CACNA1A: variants seen among roughly 807,000 people sequenced by gnomAD.
CACNA1A encodes calcium voltage-gated channel subunit alpha1 A.
A neutral mutation model predicts 262.4 loss-of-function variants in CACNA1A; 57 were observed. That is an observed-to-expected ratio of 0.22 (90% CI 0.18 to 0.27). The LOEUF (loss-of-function observed/expected upper bound fraction) is 0.27. Among genes scored for constraint, CACNA1A ranks in the 10% least tolerant of loss-of-function variants. The pLI is 1.00. For missense variants in CACNA1A, 2,526 were observed against 3,562.8 expected (o/e 0.71, Z 7.41); for synonymous variants, 1,431 against 1,419.3 (o/e 1.01, Z -0.18).
At chr19:13,468,643 T>C (rs1298371034) in intron 1 of CACNA1A, among the ~76,000 whole-genome samples, 1 of 152,050 alleles carries the variant, frequency 6.6e-6, no homozygotes, top group Non-Finnish European at 1.5e-5. Flanking sequence ...AAAAGTTAGC[T>C]GGGCATGGTG....
chr19:13,392,895 C>T (rs1285843925), intron 3 of CACNA1A, among the ~76,000 whole-genome samples: 3 of 152,184 alleles, frequency 2.0e-5, no homozygotes, highest in African/African-American at 7.2e-5. Context: ...TACAGGCACA[C>T]GCCACCATGC....
intron 1 of CACNA1A, among the ~76,000 whole-genome samples, chr19:13,482,011 T>C (rs1979380619): frequency 6.6e-6 from 1 of 151,852 alleles, no homozygotes; most frequent in African/African-American, 2.4e-5. Flanking sequence ...GACCCCACAC[T>C]CAAGCTTGGC....
intron 17 of CACNA1A, 47 bp from the exon 18 acceptor site, chr19:13,300,703 T>G (rs1454779267): frequency 6.8e-7 from 1 of 1,475,378 alleles, no homozygotes; most frequent in Non-Finnish European, 9.5e-7. Context: ...AACTAGGCCT[T>G]GGGGACTCAC....
intron 30 of CACNA1A, among the ~76,000 whole-genome samples, chr19:13,248,121 G>C (rs922807698): frequency 1.3e-5 from 2 of 152,068 alleles, no homozygotes; most frequent in Admixed American, 1.3e-4. Flanking sequence ...CTGCATCCCA[G>C]ATAAATTCCT....
intron 8 of CACNA1A, 146 bp from the exon 9 acceptor site, chr19:13,333,071 G>T: frequency 1.6e-6 from 1 of 607,054 alleles, no homozygotes; most frequent in Non-Finnish European, 3.0e-6. Flanking sequence ...CTGCTGGGTG[G>T]TTTGTGACTT....
intron 3 of CACNA1A, among the ~76,000 whole-genome samples, chr19:13,430,938 A>T (rs1391399234): frequency 1.3e-5 from 2 of 151,912 alleles, no homozygotes; most frequent in African/African-American, 4.8e-5. Context: ...AGAGTGTTCC[A>T]GGCAGAGGGA....
chr19:13,433,250 G>A lies in CACNA1A; in HGVS notation c.539+19626C>T, dbSNP rs561718366. 2.9e-4 allele frequency among the ~76,000 whole-genome samples: 43 copies of A among 146,490 alleles called. 1 individual carries two copies. The South Asian group carries it at 5.7e-3, about 19-fold the overall frequency. ...GGGGCTTGCAGTGAGCCGAGATTGC[G>A]CCACTGCACTCCAGCCTGGGCTACA... On this transcript the variant is annotated intron_variant, in intron 3 of 46. Transcript: ENST00000360228.
chr19:13,208,146 G>T, intron 46 of CACNA1A, 93 bp from the exon 47 acceptor site: 2 of 431,814 alleles, frequency 4.6e-6, no homozygotes, highest in Non-Finnish European at 6.2e-6. Context: ...GGAGCGAAGG[G>T]AGAGGGGCCG....
intron 21 of CACNA1A, 25 bp downstream of exon 21, chr19:13,285,043 T>G (rs2057370463): frequency 6.2e-7 from 1 of 1,613,356 alleles, no homozygotes; most frequent in Non-Finnish European, 8.5e-7. Flanking sequence ...AGGCCCCCCC[T>G]GCCCTTGCTG....
intron 3 of CACNA1A, among the ~76,000 whole-genome samples, chr19:13,386,912 T>C (rs1463766146): frequency 2.0e-5 from 3 of 152,178 alleles, no homozygotes; most frequent in Non-Finnish European, 2.9e-5. Context: ...GGAGACATTG[T>C]TGAGCCAAGG....
At chr19:13,231,951 T>G in intron 34 of CACNA1A, 91 bp from the exon 35 acceptor site, 1 of 1,381,532 alleles carries the variant, frequency 7.2e-7, no homozygotes, top group Non-Finnish European at 9.9e-7. Context: ...CGTTGAGCAC[T>G]TGGGCTCTGG....
intron 1 of CACNA1A, among the ~76,000 whole-genome samples, chr19:13,469,846 G>C (rs2061320013): frequency 6.6e-6 from 1 of 151,592 alleles, no homozygotes; most frequent in Admixed American, 6.6e-5. Context: ...GCAACCCACT[G>C]ACCCCGCCAT....
At position 13,209,303 on chromosome 19, in the gene CACNA1A, G is replaced by A; in HGVS notation, c.6526+9C>T. ...TCTGCTTGTCCCTGAGCACCACAGG[G>A]CTGCCCACCTGTGTCCACATCGGTG... On this transcript the variant is annotated intron_variant, in intron 45 of 46. Coordinates refer to ENST00000360228, the MANE Select transcript of CACNA1A (RefSeq NM_001127222.2). The A allele has an allele frequency of 7.0e-7, 1 of 1,428,086 alleles. No homozygotes were observed. The highest frequency in any genetic ancestry group is 9.2e-7 in the Non-Finnish European group (1 of 1,088,576). 88.5% of individuals were successfully genotyped at this position (1,428,086 alleles called of 1,614,324 possible).
At chr19:13,407,790 A>G (rs1335651770) in intron 3 of CACNA1A, among the ~76,000 whole-genome samples, 1 of 152,136 alleles carries the variant, frequency 6.6e-6, no homozygotes, top group African/African-American at 2.4e-5. Context: ...CAGGAGTTAG[A>G]GACCAGCCTG....
intron 37 of CACNA1A, 125 bp downstream of exon 37, chr19:13,227,302 CAAAA>C (rs778313822): frequency 8.6e-6 from 4 of 466,198 alleles, no homozygotes; most frequent in Non-Finnish European, 1.6e-5. Flanking sequence ...GAATCAAAAA[CAAAA>C]AAGAAGAGAA....
chr19:13,407,595 C>T (rs1176682616), intron 3 of CACNA1A, among the ~76,000 whole-genome samples: 9 of 152,192 alleles, frequency 5.9e-5, no homozygotes, highest in African/African-American at 1.9e-4. Flanking sequence ...CTTCATAACA[C>T]GCTAAGGGAT....
At chr19:13,302,789 G>C (rs1042901968) in intron 17 of CACNA1A, among the ~76,000 whole-genome samples, 1 of 152,202 alleles carries the variant, frequency 6.6e-6, no homozygotes, top group Non-Finnish European at 1.5e-5. Flanking sequence ...CTGGGAGCTG[G>C]GGCCGGGAAA....
chr19:13,381,069 C>A (rs2059516207), intron 3 of CACNA1A, among the ~76,000 whole-genome samples: 2 of 152,092 alleles, frequency 1.3e-5, no homozygotes, highest in Non-Finnish European at 1.5e-5. Flanking sequence ...AGCCACTATG[C>A]CCAGCCTGAA....
chr19:13,285,770 C>T (rs1358856904), intron 20 of CACNA1A, among the ~76,000 whole-genome samples: 1 of 152,024 alleles, frequency 6.6e-6, no homozygotes, highest in East Asian at 1.9e-4. Flanking sequence ...CTTATGTGCC[C>T]ACGGGCAGGC....
Sources: allele counts gnomAD v4.1 joint callset (sites outside exome capture counted in the v4.1 genomes callset), GRCh38; gene constraint gnomAD v4.1.1; transcripts MANE v1.5; gene names NCBI Gene and HGNC (gene_info 2026-07-23, HGNC 2026-07-21).